RPS15A: variants seen among roughly 807,000 people sequenced by gnomAD.
RPS15A encodes small ribosomal subunit protein uS8.
For synonymous variants in RPS15A, 55 were observed against 58.5 expected (o/e 0.94, Z 0.27); for missense variants, 62 against 163.4 (o/e 0.38, Z 3.38).
intron 4 of RPS15A, chr16:18,783,871 AG>A: frequency 2.7e-6 from 1 of 365,532 alleles, no homozygotes; most frequent in South Asian, 2.1e-5. Flanking sequence ...CAGAAAAACA[AG>A]GGTTTGAACT....
At position 18,789,185 on chromosome 16, in the gene RPS15A, C is replaced by T. The variant is rs1316311706; in HGVS notation, c.-5-67G>A. On this transcript the variant is annotated intron_variant, in intron 1 of 4. Transcript: ENST00000322989. ...CAACATCAACAGACACCAACCATTACACTGCGGAAGTATCCTTTCCTTTCT... is the reference window on the plus strand; with the variant it reads ...CAACATCAACAGACACCAACCATTATACTGCGGAAGTATCCTTTCCTTTCT... The T allele has an allele frequency of 4.2e-5, 62 of 1,482,724 alleles. No individual in the cohort carries two copies. In the Middle Eastern group the frequency reaches 7.1e-4, roughly 17 times the overall value. The allele number at this position is 1,482,724 out of a possible 1,614,324, so 91.8% of individuals were successfully genotyped here.
chr16:18,783,562 G>A, intron 4 of RPS15A: 1 of 434,486 alleles, frequency 2.3e-6, no homozygotes, highest in African/African-American at 2.0e-5. Context: ...ACTGTAACAA[G>A]CATATAGTAT....
chr16:18,788,886 CAG>C, intron 2 of RPS15A, 93 bp downstream of exon 2: 1 of 1,301,002 alleles, frequency 7.7e-7, no homozygotes, highest in Non-Finnish European at 1.1e-6. Flanking sequence ...TCAGGTATGA[CAG>C]ACATACTTTG....
At position 18,783,167 on chromosome 16, in the gene RPS15A, A is replaced by G. The variant is rs1017521039; in HGVS notation, c.300-65T>C. On this transcript the variant is annotated intron_variant, in intron 4 of 4. Transcript: ENST00000322989. ...TTCAACATAGTGCCTTCTAGTGCAG[A>G]AAAACATCAACACTCATCAGTGGTT... is the stretch of plus-strand genomic sequence containing the variant. The G allele has an allele frequency of 2.4e-5, 25 of 1,042,690 alleles. 1 individual carries two copies. Among genetic ancestry groups the G allele is most frequent in the Admixed American group, 5.6e-5 (3 of 53,716 alleles). The allele number at this position is 1,042,690 out of a possible 1,614,324, so 64.6% of individuals were successfully genotyped here.
chr16:18,784,592 T>C, intron 4 of RPS15A, 146 bp downstream of exon 4: 1 of 662,528 alleles, frequency 1.5e-6, no homozygotes. Flanking sequence ...TGGATAACAC[T>C]TGAGCTATTA....
intron 1 of RPS15A, among the ~76,000 whole-genome samples, chr16:18,789,590 G>C (rs979638572): frequency 6.6e-6 from 1 of 152,164 alleles, no homozygotes; most frequent in East Asian, 1.9e-4. Flanking sequence ...CTTTAAATCA[G>C]TTCACTCTCA....
At chr16:18,787,780 GT>G (rs1219275428) in intron 3 of RPS15A, among the ~76,000 whole-genome samples, 1 of 152,156 alleles carries the variant, frequency 6.6e-6, no homozygotes, top group East Asian at 1.9e-4. Flanking sequence ...AGTGAGGTGG[GT>G]AGCGTTAACA....
In RPS15A at chr16:18,788,052, C is replaced by A; in HGVS notation, c.213+11G>T. The A allele has an allele frequency of 1.3e-6, 2 of 1,556,006 alleles. No homozygotes were observed. Among genetic ancestry groups the A allele is most frequent in the Non-Finnish European group, 1.8e-6 (2 of 1,128,946 alleles). ...TTAAAGCTTTGAAATGTGTAGATCA[C>A]TCGTTCTTACCTTGTTTAGCCTGCC... On this transcript the variant is annotated intron_variant, in intron 3 of 4. Coordinates refer to ENST00000322989, the MANE Select transcript of RPS15A (RefSeq NM_001019.5).
chr16:18,783,831 T>C, intron 4 of RPS15A: 1 of 402,402 alleles, frequency 2.5e-6, no homozygotes, highest in Non-Finnish European at 5.0e-6. Flanking sequence ...ATCAAGGCTG[T>C]GACTTGCCCA....
Position 18,781,385 on chromosome 16 carries a change from C to T in RPS15A, c.*1624G>A, listed in dbSNP as rs1294257903. ...CAACATGTAAGCGACTGAGGCATCC[C>T]TACACACCAGGTTTGCAGGCTAGGG... On this transcript the variant is annotated 3_prime_UTR_variant, in exon 5 of 5. Coordinates refer to ENST00000322989, the MANE Select transcript of RPS15A (RefSeq NM_001019.5). The T allele has an allele frequency of 6.6e-6, 1 of 151,710 alleles. No homozygotes were observed. Among genetic ancestry groups the T allele is most frequent in the Non-Finnish European group, 1.5e-5 (1 of 67,944 alleles). The allele number at this position is 151,710 out of a possible 1,614,324, so 9.4% of individuals were successfully genotyped here.
At chr16:18,783,762 T>A (rs1177477412) in intron 4 of RPS15A, 3 of 452,522 alleles carry the variant, frequency 6.6e-6, no homozygotes, top group East Asian at 7.0e-5. Context: ...TAAAGTGCTT[T>A]ACCAAAATTA....
chr16:18,786,259 G>A, intron 3 of RPS15A: 1 of 225,150 alleles, frequency 4.4e-6, no homozygotes, highest in Non-Finnish European at 9.2e-6. Flanking sequence ...CAGCTACTAG[G>A]GAGGCTGAGG....
At chr16:18,786,369 G>A (rs968805500) in intron 3 of RPS15A, 9 of 157,710 alleles carry the variant, frequency 5.7e-5, no homozygotes, top group Non-Finnish European at 1.1e-4. Context: ...CTCAAAAAAC[G>A]GGCAGAGAGC....
intron 3 of RPS15A, chr16:18,786,464 T>C (rs184511865): frequency 6.5e-6 from 1 of 154,890 alleles, no homozygotes; most frequent in East Asian, 1.9e-4. Context: ...ATAAGTTCCA[T>C]TTACAGAATG....
chr16:18,789,189 G>A, intron 1 of RPS15A, 71 bp from the exon 2 acceptor site: 2 of 1,449,030 alleles, frequency 1.4e-6, no homozygotes, highest in African/African-American at 2.8e-5. Flanking sequence ...CCATTACACT[G>A]CGGAAGTATC....
chr16:18,788,941 T>A, intron 2 of RPS15A, 40 bp downstream of exon 2: 1 of 1,588,412 alleles, frequency 6.3e-7, no homozygotes. Context: ...TCTTAGAGAG[T>A]CTCACATGAA....
At chr16:18,787,683 T>C (rs1345201372) in intron 3 of RPS15A, among the ~76,000 whole-genome samples, 12 of 152,180 alleles carry the variant, frequency 7.9e-5, no homozygotes, top group Non-Finnish European at 1.8e-4. Flanking sequence ...AAAGATTCCA[T>C]TCAAAAAACC....
In RPS15A at chr16:18,783,120, AAAGTGCTGGT is replaced by A. The variant is rs1467679476; in HGVS notation, c.300-28_300-19del. 1 of 1,542,506 alleles carries A rather than the reference AAAGTGCTGGT, an allele frequency of 6.5e-7. No individual in the cohort carries two copies. Among genetic ancestry groups the A allele is most frequent in the Non-Finnish European group, 8.9e-7 (1 of 1,118,592 alleles). On this transcript the variant is annotated intron_variant, in intron 4 of 4. Coordinates refer to ENST00000322989, the MANE Select transcript of RPS15A (RefSeq NM_001019.5). ...CAATGAAACTATGGAGTGGAAAAAG[AAAGTGCTGGT>A]AAGTTTAATAGTTCAACATAGTGCC... is the stretch of plus-strand genomic sequence containing the variant.
intron 3 of RPS15A, chr16:18,786,249 C>A: frequency 4.3e-6 from 1 of 233,032 alleles, no homozygotes; most frequent in Non-Finnish European, 8.9e-6. Context: ...CCTGTAATCT[C>A]AGCTACTAGG....
Sources: gnomAD v4.1 joint callset for allele counts (sites outside exome capture counted in the v4.1 genomes callset) on GRCh38, gnomAD v4.1.1 for gene constraint, MANE v1.5 for transcripts, NCBI Gene and HGNC (gene_info 2026-07-23, HGNC 2026-07-21) for gene names.